Variants in BCL2 observed in about 807,000 individuals in gnomAD.
BCL2 encodes apoptosis regulator Bcl-2.
Under a neutral mutation model 14.2 loss-of-function variants are expected in BCL2, and 1 was observed. The ratio of observed to expected loss-of-function variants is 0.07; its 90% confidence interval spans 0.02 to 0.33. BCL2 has a LOEUF of 0.33. BCL2 is among the 10% of genes least tolerant of loss of function. BCL2 has a pLI of 0.99. For missense variants in BCL2, 247 were observed against 305.9 expected (o/e 0.81, Z 1.44); for synonymous variants, 151 against 137.2 (o/e 1.10, Z -0.70).
intron 2 of BCL2, among the ~76,000 whole-genome samples, chr18:63,261,347 G>C (rs1911653040): frequency 6.6e-6 from 1 of 152,028 alleles, no homozygotes; most frequent in African/African-American, 2.4e-5. Context: ...CCTTCCAACT[G>C]CTCCCACTGG....
At chr18:63,301,719 A>G (rs1252487664) in intron 2 of BCL2, among the ~76,000 whole-genome samples, 1 of 152,222 alleles carries the variant, frequency 6.6e-6, no homozygotes, top group Non-Finnish European at 1.5e-5. Context: ...CATTATGAAT[A>G]ATCCCAAAGA....
Position 63,132,134 on chromosome 18 carries a change from G to A in BCL2, c.586-3375C>T, listed in dbSNP as rs568631114. 1.1e-4 allele frequency among the ~76,000 whole-genome samples: 16 copies of A among 152,360 alleles called. No individual in the cohort carries two copies. In the East Asian group the frequency reaches 2.1e-3, roughly 20 times the overall value. ...CATCCCAGGGGGCTGAGAAGGGCATGGGACTTGGAGGAGGAGTGTGGGTGA... is the reference window on the plus strand; with the variant it reads ...CATCCCAGGGGGCTGAGAAGGGCATAGGACTTGGAGGAGGAGTGTGGGTGA... On this transcript the variant is annotated intron_variant, in intron 2 of 2. Coordinates refer to ENST00000333681, the MANE Select transcript of BCL2 (RefSeq NM_000633.3).
At chr18:63,313,336 A>G (rs1913395267) in intron 2 of BCL2, among the ~76,000 whole-genome samples, 1 of 152,216 alleles carries the variant, frequency 6.6e-6, no homozygotes, top group Admixed American at 6.5e-5. Flanking sequence ...CTGCTTAGAC[A>G]TCAAACATTA....
At chr18:63,143,407 G>T (rs1599205532) in intron 2 of BCL2, among the ~76,000 whole-genome samples, 2 of 152,238 alleles carry the variant, frequency 1.3e-5, no homozygotes, top group Non-Finnish European at 2.9e-5. Flanking sequence ...CCTCCTGGGG[G>T]CAGGAGCAAG....
chr18:63,132,653 G>C (rs1914098501), intron 2 of BCL2, among the ~76,000 whole-genome samples: 1 of 152,158 alleles, frequency 6.6e-6, no homozygotes, highest in African/African-American at 2.4e-5. Flanking sequence ...CAATTCCAAA[G>C]TGCAAAGGAG....
intron 2 of BCL2, among the ~76,000 whole-genome samples, chr18:63,188,837 T>C (rs1047646263): frequency 2.0e-5 from 3 of 152,040 alleles, no homozygotes; most frequent in Admixed American, 2.0e-4. Context: ...TAAAATAATA[T>C]TATCCATACA....
At chr18:63,276,507 C>T (rs150230205) in intron 2 of BCL2, among the ~76,000 whole-genome samples, 7 of 152,320 alleles carry the variant, frequency 4.6e-5, no homozygotes, top group African/African-American at 1.7e-4. Flanking sequence ...CCAGGACTTT[C>T]CAGTCTCCCC....
intron 2 of BCL2, among the ~76,000 whole-genome samples, chr18:63,233,250 C>T (rs1208141569): frequency 4.6e-5 from 7 of 152,192 alleles, no homozygotes. Context: ...AAGAAACATT[C>T]AGTTTATAAC....
chr18:63,153,118 A>T (rs1914690096), intron 2 of BCL2, among the ~76,000 whole-genome samples: 1 of 152,012 alleles, frequency 6.6e-6, no homozygotes, highest in Non-Finnish European at 1.5e-5. Context: ...TTGAACCTCA[A>T]CTCTGCAAAT....
At chr18:63,161,532 G>A (rs1164789671) in intron 2 of BCL2, among the ~76,000 whole-genome samples, 1 of 152,142 alleles carries the variant, frequency 6.6e-6, no homozygotes, top group Non-Finnish European at 1.5e-5. Flanking sequence ...CTGACCTTCT[G>A]TTGGACTGAC....
intron 2 of BCL2, among the ~76,000 whole-genome samples, chr18:63,145,589 GT>G (rs2144602122): frequency 6.6e-6 from 1 of 152,336 alleles, no homozygotes; most frequent in Non-Finnish European, 1.5e-5. Context: ...CCTGCCAAGT[GT>G]TTTACAAGAA....
chr18:63,134,075 G>A (rs1005780984), intron 2 of BCL2, among the ~76,000 whole-genome samples: 4 of 152,026 alleles, frequency 2.6e-5, no homozygotes, highest in Non-Finnish European at 5.9e-5. Context: ...ACATGTGCGC[G>A]TTTACAAACA....
At chr18:63,184,948 G>A (rs989963023) in intron 2 of BCL2, among the ~76,000 whole-genome samples, 6 of 152,198 alleles carry the variant, frequency 3.9e-5, no homozygotes, top group Non-Finnish European at 7.4e-5. Context: ...CCCAGAAGCA[G>A]TGGGCATCTT....
chr18:63,194,116 A>G (rs1464914084), intron 2 of BCL2, among the ~76,000 whole-genome samples: 1 of 152,116 alleles, frequency 6.6e-6, no homozygotes, highest in East Asian at 1.9e-4. Flanking sequence ...GCACCATCCA[A>G]TCCCATATAA....
At chr18:63,232,430 T>C (rs1204742588) in intron 2 of BCL2, among the ~76,000 whole-genome samples, 1 of 152,014 alleles carries the variant, frequency 6.6e-6, no homozygotes, top group Non-Finnish European at 1.5e-5. Context: ...CTTAGTACTC[T>C]ATAAGGAAAA....
intron 2 of BCL2, among the ~76,000 whole-genome samples, chr18:63,165,357 G>T (rs1011159878): frequency 1.3e-4 from 20 of 152,214 alleles, no homozygotes; most frequent in Non-Finnish European, 2.5e-4. Flanking sequence ...GTTTGCTGCT[G>T]TCACTTTTCA....
intron 2 of BCL2, among the ~76,000 whole-genome samples, chr18:63,178,058 T>C (rs4940575): frequency 0.33 from 49,572 of 152,122 alleles, 10,842 homozygotes; most frequent in African/African-American, 0.59. Flanking sequence ...CTCTGGTGTT[T>C]CAGGCGTGAG....
chr18:63,262,262 G>A, intron 2 of BCL2, among the ~76,000 whole-genome samples: 1 of 152,330 alleles, frequency 6.6e-6, no homozygotes, highest in East Asian at 1.9e-4. Flanking sequence ...TACATTCATT[G>A]TACAAGTACA....
intron 2 of BCL2, among the ~76,000 whole-genome samples, chr18:63,174,037 T>A (rs1167299671): frequency 6.6e-6 from 1 of 152,202 alleles, no homozygotes; most frequent in Non-Finnish European, 1.5e-5. Flanking sequence ...TGAATTTTTC[T>A]GGAGAGAGGA....
Sources: gnomAD v4.1 joint callset for allele counts (sites outside exome capture counted in the v4.1 genomes callset) on GRCh38, gnomAD v4.1.1 for gene constraint, MANE v1.5 for transcripts, NCBI Gene and HGNC (gene_info 2026-07-23, HGNC 2026-07-21) for gene names.